CELA3A: variants seen among roughly 807,000 people sequenced by gnomAD.
CELA3A encodes chymotrypsin like elastase 3A, also known as chymotrypsin-like elastase family member 3A.
A neutral mutation model predicts 38.6 loss-of-function variants in CELA3A; 35 were observed. The observed-to-expected ratio is 0.91, with a 90% CI of 0.69 to 1.20. CELA3A has a LOEUF of 1.20. Ranked by LOEUF, CELA3A falls within the 50% of genes most tolerant of loss-of-function variation. CELA3A has a pLI of 0.00. For missense variants in CELA3A, 343 were observed against 354.2 expected (o/e 0.97, Z 0.25); for synonymous variants, 143 against 136.7 (o/e 1.05, Z -0.32).
intron 4 of CELA3A, among the ~76,000 whole-genome samples, chr1:22,006,514 G>A (rs550075185): frequency 2.0e-5 from 3 of 151,152 alleles, no homozygotes; most frequent in African/African-American, 4.9e-5. Context: ...GCAACAGAGC[G>A]AGACTCTGAC....
At chr1:22,006,183 A>C (rs34380605) in intron 4 of CELA3A, 49,585 of 191,002 alleles carry the variant, frequency 0.26, 7,140 homozygotes, top group Admixed American at 0.42. Context: ...ACTATGGGCA[A>C]AAGGAGGAGC....
Position 22,007,280 on chromosome 1 carries a change from G to T in CELA3A, c.500-93G>T, listed in dbSNP as rs376147710. 56 of 1,500,452 alleles carry T rather than the reference G, an allele frequency of 3.7e-5. 3 individuals are homozygous for T. In the East Asian group the frequency reaches 7.3e-4, roughly 20 times the overall value. 92.9% of individuals were successfully genotyped at this position (1,500,452 alleles called of 1,614,324 possible). A position where few individuals can be genotyped will look rare whatever the true frequency, so the allele number is the denominator to read the frequency against. On this transcript the variant is annotated intron_variant, in intron 5 of 7. Coordinates refer to ENST00000290122, the MANE Select transcript of CELA3A (RefSeq NM_005747.5). ...GGGTGGGAGGAGAGTCCTCATCAGG[G>T]CAGAAGAACTGTGGGCCTTGAATGC...
intron 2 of CELA3A, among the ~76,000 whole-genome samples, chr1:22,003,746 C>T (rs1342491011): frequency 6.6e-6 from 1 of 151,046 alleles, no homozygotes; most frequent in Non-Finnish European, 1.5e-5. Flanking sequence ...ACTCTTGTTG[C>T]CCAGGCTGAA....
chr1:22,005,828 G>T (rs775211886), intron 4 of CELA3A, 32 bp downstream of exon 4: 5 of 1,609,520 alleles, frequency 3.1e-6, no homozygotes, highest in South Asian at 1.1e-5. Flanking sequence ...GAACCCAGGG[G>T]CTCCTCTACT....
At chr1:22,009,243 A>G in intron 6 of CELA3A, among the ~76,000 whole-genome samples, 1 of 151,496 alleles carries the variant, frequency 6.6e-6, no homozygotes, top group Non-Finnish European at 1.5e-5. Context: ...GGGCACCTAT[A>G]GTCCCAGCTA....
intron 6 of CELA3A, among the ~76,000 whole-genome samples, chr1:22,009,031 G>C (rs1244883440): frequency 6.6e-6 from 1 of 151,620 alleles, no homozygotes; most frequent in Non-Finnish European, 1.5e-5. Flanking sequence ...CCTGAGGTCA[G>C]GACTTTGAGA....
At chr1:22,005,972 C>G (rs1184354858) in intron 4 of CELA3A, 176 bp downstream of exon 4, 9 of 1,046,888 alleles carry the variant, frequency 8.6e-6, no homozygotes, top group African/African-American at 1.6e-5. Flanking sequence ...AGGATTGAAG[C>G]CAGCAGAGCC....
intron 6 of CELA3A, among the ~76,000 whole-genome samples, chr1:22,008,152 C>CTCTTTTT (rs1553188585): frequency 1.2e-5 from 1 of 86,844 alleles, no homozygotes; most frequent in African/African-American, 3.7e-5. Context: ...GACGTTGTCT[C>CTCTTTTT]TTTTTTTTTT....
intron 5 of CELA3A, 46 bp from the exon 6 acceptor site, chr1:22,007,327 G>T (rs370930543): frequency 7.6e-5 from 119 of 1,572,484 alleles, no homozygotes; most frequent in Non-Finnish European, 7.8e-6. Context: ...GGGGCACCTA[G>T]CGGTGTGCCC....
intron 4 of CELA3A, among the ~76,000 whole-genome samples, chr1:22,006,410 C>A (rs1644950225): frequency 6.6e-6 from 1 of 151,206 alleles, no homozygotes; most frequent in Non-Finnish European, 1.5e-5. Flanking sequence ...GCCTGTAATC[C>A]CAGCTACTGG....
Position 22,009,586 on chromosome 1 carries a change from C to T in CELA3A, c.643-119C>T, listed in dbSNP as rs552741008. The T allele has an allele frequency of 1.8e-4, 221 of 1,234,614 alleles. 14 individuals are homozygous for T. The African/African-American group carries it at 3.1e-3, about 17-fold the overall frequency. The allele number at this position is 1,234,614 out of a possible 1,614,324, so 76.5% of individuals were successfully genotyped here. ...AAATAATAAATGATAAAAAAATGAG[C>T]GAGCTAAGGCTCAGAGGTGTCAAGT... On this transcript the variant is annotated intron_variant, in intron 6 of 7. Coordinates refer to ENST00000290122, the MANE Select transcript of CELA3A (RefSeq NM_005747.5).
rs142239156 is a variant in CELA3A, at chr1:22,001,817, T to C, written c.43+100T>C. 8,609 of 1,521,470 alleles carry C rather than the reference T, an allele frequency of 5.7e-3. 174 individuals carry two copies. The highest frequency in any genetic ancestry group is 7.6e-3 in the Admixed American group (454 of 59,666). 94.2% of individuals were successfully genotyped at this position (1,521,470 alleles called of 1,614,324 possible). On this transcript the variant is annotated intron_variant, in intron 1 of 7. Transcript: ENST00000290122. ...GAGTCCCATGACATGCTATGCCTGG[T>C]TCCACAGGAGGGGGTCTCAGCTTGT...
chr1:22,002,496 C>A (rs1251317351), intron 1 of CELA3A: 1 of 454,278 alleles, frequency 2.2e-6, no homozygotes, highest in Non-Finnish European at 4.4e-6. Flanking sequence ...CCATACCTGG[C>A]TACTTTATTT....
At chr1:22,005,949 G>C (rs1644947569) in intron 4 of CELA3A, 153 bp downstream of exon 4, 1 of 1,417,668 alleles carries the variant, frequency 7.1e-7, no homozygotes, top group Admixed American at 2.1e-5. Flanking sequence ...CTGTGCCCAG[G>C]TCCCACACAC....
At chr1:22,007,606 C>A in intron 6 of CELA3A, 91 bp downstream of exon 6, 3 of 1,511,352 alleles carry the variant, frequency 2.0e-6, no homozygotes, top group Non-Finnish European at 2.7e-6. Context: ...AAGGATCTTG[C>A]CTGCTTGCCC....
chr1:22,008,682 C>G (rs1644965822), intron 6 of CELA3A, among the ~76,000 whole-genome samples: 1 of 150,056 alleles, frequency 6.7e-6, no homozygotes, highest in Non-Finnish European at 1.5e-5. Flanking sequence ...TGGTGTGAAC[C>G]CAGGAGTTGG....
intron 2 of CELA3A, among the ~76,000 whole-genome samples, chr1:22,003,376 T>C (rs1644929592): frequency 6.6e-6 from 1 of 151,000 alleles, no homozygotes; most frequent in South Asian, 2.1e-4. Flanking sequence ...GTTGACGAAG[T>C]GAGATTTTGA....
At chr1:22,003,572 T>C (rs573069645) in intron 2 of CELA3A, among the ~76,000 whole-genome samples, 40 of 150,350 alleles carry the variant, frequency 2.7e-4, no homozygotes, top group Non-Finnish European at 5.0e-4. Context: ...TCCCAGCTAC[T>C]CAGGAGGCTG....
chr1:22,011,030 G>A (rs981068317), intron 7 of CELA3A: 2 of 151,518 alleles, frequency 1.3e-5, no homozygotes, highest in Admixed American at 6.6e-5. Context: ...ATGATATAGA[G>A]ATTAGCACGG....
Sources: gnomAD v4.1 joint callset for allele counts (sites outside exome capture counted in the v4.1 genomes callset) on GRCh38, gnomAD v4.1.1 for gene constraint, MANE v1.5 for transcripts, NCBI Gene and HGNC (gene_info 2026-07-23, HGNC 2026-07-21) for gene names.